PLCZ1: variants seen among roughly 807,000 people sequenced by gnomAD.
PLCZ1 encodes the protein 1-phosphatidylinositol 4,5-bisphosphate phosphodiesterase zeta-1.
A neutral mutation model predicts 76.8 loss-of-function variants in PLCZ1; 64 were observed. The observed-to-expected ratio is 0.83, with a 90% CI of 0.68 to 1.03. PLCZ1 has a LOEUF of 1.03. Ranked by LOEUF, PLCZ1 falls within the 50% of genes least tolerant of loss-of-function variation. PLCZ1 has a pLI of 0.00. For synonymous variants in PLCZ1, 248 were observed against 230.8 expected (o/e 1.07, Z -0.68); for missense variants, 751 against 713.7 (o/e 1.05, Z -0.60).
chr12:18,735,018 A>AT (rs1295871330), intron 3 of PLCZ1, among the ~76,000 whole-genome samples: 1 of 152,094 alleles, frequency 6.6e-6, no homozygotes, highest in Admixed American at 6.5e-5. Flanking sequence ...TAATCATGTG[A>AT]TTTTTATCTC....
At chr12:18,667,168 G>T in the PLCZ1 span, among the ~76,000 whole-genome samples, 1 of 152,102 alleles carries the variant, frequency 6.6e-6, no homozygotes, top group Non-Finnish European at 1.5e-5. Flanking sequence ...CATGATGAGG[G>T]TTGCCACCAT....
chr12:18,681,136 A>T (rs1952368406), downstream of PLCZ1, among the ~76,000 whole-genome samples: 1 of 152,018 alleles, frequency 6.6e-6, no homozygotes, highest in African/African-American at 2.4e-5. Context: ...TTGTTCAACA[A>T]GGAAACACGA....
the PLCZ1 span, among the ~76,000 whole-genome samples, chr12:18,657,923 G>A: frequency 1.3e-5 from 2 of 151,930 alleles, no homozygotes; most frequent in African/African-American, 4.8e-5. Context: ...AAGCTCTTAA[G>A]GAAACCACAT....
intron 12 of PLCZ1, among the ~76,000 whole-genome samples, chr12:18,689,964 T>G (rs1953808176): frequency 6.6e-6 from 1 of 152,140 alleles, no homozygotes; most frequent in Non-Finnish European, 1.5e-5. Flanking sequence ...AGCAGCTTCC[T>G]GGAGAATCAT....
the PLCZ1 span, among the ~76,000 whole-genome samples, chr12:18,663,510 G>T: frequency 7.2e-5 from 11 of 152,060 alleles, no homozygotes; most frequent in Non-Finnish European, 1.2e-4. Context: ...TCAGAGATTT[G>T]AACTTCTGTG....
In PLCZ1 at chr12:18,690,627, G is replaced by A. The variant is rs1297195925; in HGVS notation, c.1462-2409C>T. 2.0e-5 allele frequency among the ~76,000 whole-genome samples: 3 copies of A among 152,164 alleles called. No individual in the cohort carries two copies. In the East Asian group the frequency reaches 5.8e-4, roughly 29 times the overall value. On this transcript the variant is annotated intron_variant, in intron 12 of 14. Transcript: ENST00000266505. ...GTGATAAATGCCATAATATATGCAT[G>A]CAGAGGGTGTTACGGAAAACAGCAA... is the stretch of plus-strand genomic sequence containing the variant.
At chr12:18,683,999 T>C in intron 14 of PLCZ1, 131 bp downstream of exon 14, 4 of 1,096,310 alleles carry the variant, frequency 3.6e-6, no homozygotes, top group South Asian at 1.4e-5. Flanking sequence ...AGAAAAAATA[T>C]GTGTCAATAC....
the PLCZ1 span, among the ~76,000 whole-genome samples, chr12:18,661,269 G>A: frequency 2.0e-5 from 3 of 152,040 alleles, no homozygotes; most frequent in African/African-American, 7.2e-5. Context: ...CAAGTGTGAT[G>A]AGATACAAGA....
At position 18,723,515 on chromosome 12, in the gene PLCZ1, T is replaced by C; in HGVS notation, c.163A>G (p.Ile55Val). The change falls in exon 4 of 15, where the codon ATC becomes GTC. Residue 55 changes from isoleucine (I) to valine (V), a missense_variant. By Grantham distance (29) the Ile-to-Val change is conservative. Transcript: ENST00000266505. ...ATTGCTCTAAATTCTTCTATGGTGA[T>C]TCTTCCTTGTTTCAGCCTGTCATTG... ...KDNDRLKQGR[I>V]TIEEFRAIYR... The C allele has an allele frequency of 6.2e-7, 1 of 1,612,548 alleles. No individual in the cohort carries two copies. The highest frequency in any genetic ancestry group is 8.5e-7 in the Non-Finnish European group (1 of 1,179,344).
intron 6 of PLCZ1, among the ~76,000 whole-genome samples, chr12:18,711,081 A>C (rs967813155): frequency 1.3e-5 from 2 of 152,100 alleles, no homozygotes; most frequent in African/African-American, 4.8e-5. Context: ...AGACATATGC[A>C]CATATATGTT....
intron 6 of PLCZ1, among the ~76,000 whole-genome samples, chr12:18,710,309 C>T (rs1188881806): frequency 2.7e-5 from 4 of 150,714 alleles, no homozygotes; most frequent in Admixed American, 1.3e-4. Flanking sequence ...GGGAGTTAGC[C>T]ATGCAAATAT....
Position 18,702,487 on chromosome 12 carries a change from A to G in PLCZ1, c.865-711T>C, listed in dbSNP as rs1053251373. 1.8e-4 allele frequency among the ~76,000 whole-genome samples: 27 copies of G among 152,216 alleles called. No individual in the cohort carries two copies. The South Asian group carries it at 5.6e-3, about 32-fold the overall frequency. Reference sequence around the variant, plus strand: ...TATACAATGCTGAAATCTGGGTTATAAAGTAAAGTTCTTTTCTCCAGGGAG... The same window carrying G: ...TATACAATGCTGAAATCTGGGTTATGAAGTAAAGTTCTTTTCTCCAGGGAG... On this transcript the variant is annotated intron_variant, in intron 7 of 14. Coordinates refer to ENST00000266505, the MANE Select transcript of PLCZ1 (RefSeq NM_033123.4).
At chr12:18,728,767 T>A (rs1267340191) in intron 3 of PLCZ1, among the ~76,000 whole-genome samples, 1 of 151,970 alleles carries the variant, frequency 6.6e-6, no homozygotes, top group Middle Eastern at 3.2e-3. Flanking sequence ...ATTGAACGAG[T>A]GGAGAAAGAA....
chr12:18,645,610 C>T, the PLCZ1 span, among the ~76,000 whole-genome samples: 2 of 152,046 alleles, frequency 1.3e-5, no homozygotes, highest in East Asian at 1.9e-4. Flanking sequence ...AACAACTGTT[C>T]CTTTTTGTGT....
At chr12:18,693,661 T>C (rs1445406268) in intron 12 of PLCZ1, 3 of 1,565,520 alleles carry the variant, frequency 1.9e-6, no homozygotes, top group East Asian at 2.2e-5. Context: ...CAAAAAGATA[T>C]GACTCCAATT....
intron 7 of PLCZ1, among the ~76,000 whole-genome samples, chr12:18,704,493 T>C (rs954048763): frequency 4.9e-4 from 74 of 151,994 alleles, no homozygotes; most frequent in African/African-American, 1.8e-3. Context: ...ACCCAGCTAA[T>C]TTTTGTATTT....
chr12:18,651,860 A>G, the PLCZ1 span, among the ~76,000 whole-genome samples: 7 of 152,172 alleles, frequency 4.6e-5, no homozygotes, highest in African/African-American at 1.7e-4. Context: ...GGATGGAGCC[A>G]GGGGCAGGAA....
intron 3 of PLCZ1, among the ~76,000 whole-genome samples, chr12:18,729,884 T>C (rs1429087975): frequency 6.6e-6 from 1 of 152,060 alleles, no homozygotes; most frequent in Non-Finnish European, 1.5e-5. Flanking sequence ...TGTAAGAAAA[T>C]AAACTCACAT....
At chr12:18,650,715 T>C in the PLCZ1 span, among the ~76,000 whole-genome samples, 1 of 3,204 alleles carries the variant, frequency 3.1e-4, no homozygotes, top group Non-Finnish European at 6.1e-4. Flanking sequence ...TATATATCTA[T>C]ATATATATAT....
Sources: gnomAD v4.1 joint callset for allele counts (sites outside exome capture counted in the v4.1 genomes callset) on GRCh38, gnomAD v4.1.1 for gene constraint, MANE v1.5 for transcripts, NCBI Gene and HGNC (gene_info 2026-07-23, HGNC 2026-07-21) for gene names.